MAPK4: variants seen among roughly 807,000 people sequenced by gnomAD.
The protein encoded by MAPK4 is Erk3-related.
In MAPK4, 22 loss-of-function variants were observed where a neutral mutation model predicts 47.7. That is an observed-to-expected ratio of 0.46 (90% CI 0.33 to 0.66). MAPK4 has a LOEUF of 0.66. Ranked by LOEUF, MAPK4 falls within the 30% of genes least tolerant of loss-of-function variation. The probability of loss-of-function intolerance (pLI) is 0.02; values close to 1 mark genes in which losing one functional copy is unlikely to be tolerated. For missense variants in MAPK4, 736 were observed against 831.7 expected (o/e 0.88, Z 1.42); for synonymous variants, 390 against 365.7 (o/e 1.07, Z -0.76).
At position 50,581,249 on chromosome 18, in the gene MAPK4, A is replaced by T. The variant is rs2042341468; in HGVS notation, c.-871+21006A>T. Among the ~76,000 whole-genome samples the T allele has an allele frequency of 3.9e-5, 6 of 152,152 alleles. No individual in the cohort carries two copies. In the South Asian group the frequency reaches 1.2e-3, roughly 32 times the overall value. On this transcript the variant is annotated intron_variant, in intron 1 of 5. Coordinates refer to ENST00000400384, the MANE Select transcript of MAPK4 (RefSeq NM_002747.4). ...CAGGCATTTGGAAGCTGCTTAGCTG[A>T]GTGGTTCTAGTTCAGGGACTCTCAT...
In MAPK4 at chr18:50,664,170, G is replaced by T. The variant is rs754028426; in HGVS notation, c.212G>T (p.Arg71Leu). 1.2e-6 allele frequency: 2 copies of T among 1,614,096 alleles called. No homozygotes were observed. The highest frequency in any genetic ancestry group is 1.7e-6 in the Non-Finnish European group (2 of 1,180,032). Residue 71 changes from arginine to leucine, a missense_variant, in exon 2 of 6, where the codon CGC (arginine) becomes CTC (leucine). Around this residue, in one of 3 missense-constraint regions of MAPK4, gnomAD observed 327 missense variants for 395.4 expected, o/e 0.83. Coordinates refer to ENST00000400384, the MANE Select transcript of MAPK4 (RefSeq NM_002747.4). The surrounding 1 kb of genome is among the most constrained non-coding windows in gnomAD (Gnocchi z 6.0). ...HALREIKIIRRLDHDNIVKVY... is the reference protein window; with the variant it reads ...HALREIKIIRLLDHDNIVKVY... ...CTCCGAGAGATCAAGATCATTCGGC[G>T]CCTGGACCACGACAACATCGTCAAA...
At chr18:50,662,872 T>G (rs1474222634) in intron 1 of MAPK4, among the ~76,000 whole-genome samples, 1 of 152,220 alleles carries the variant, frequency 6.6e-6, no homozygotes, top group Non-Finnish European at 1.5e-5. Flanking sequence ...CATCTGATGG[T>G]CTTATCAAAT....
Position 50,729,165 on chromosome 18 carries a change from G to A in MAPK4, c.1075G>A (p.Val359Met). ...NWDTCSSRYPVSLSSDLEWRP... is the reference protein window; with the variant it reads ...NWDTCSSRYPMSLSSDLEWRP... ...CTGTTTGTACCCTTGCAGGTACCCT[G>A]TGAGCCTGTCGTCGGACCTGGAGTG... Residue 359 changes from valine to methionine, a missense_variant, in exon 6 of 6, where the codon GTG becomes ATG. By Grantham distance (21) the Val-to-Met change is conservative. Coordinates refer to ENST00000400384, the MANE Select transcript of MAPK4 (RefSeq NM_002747.4). The A allele has an allele frequency of 1.3e-6, 2 of 1,577,272 alleles. No homozygotes were observed. Among genetic ancestry groups the A allele is most frequent in the African/African-American group, 1.3e-5 (1 of 74,456 alleles).
chr18:50,590,082 A>G (rs2042423900), intron 1 of MAPK4, among the ~76,000 whole-genome samples: 1 of 152,238 alleles, frequency 6.6e-6, no homozygotes, highest in African/African-American at 2.4e-5. Context: ...TGGCAAATCC[A>G]GATCCAGTTC....
At chr18:50,574,947 TAGG>T (rs1440150152) in intron 1 of MAPK4, among the ~76,000 whole-genome samples, 1 of 152,198 alleles carries the variant, frequency 6.6e-6, no homozygotes, top group African/African-American at 2.4e-5. Context: ...CTTCTTAAAA[TAGG>T]AGCTGTTTCT....
intron 2 of MAPK4, among the ~76,000 whole-genome samples, chr18:50,709,904 C>T (rs1226884121): frequency 6.6e-6 from 1 of 152,198 alleles, no homozygotes; most frequent in African/African-American, 2.4e-5. Flanking sequence ...TTTCATCTCT[C>T]TAACCATGTG....
intron 1 of MAPK4, among the ~76,000 whole-genome samples, chr18:50,626,644 T>C (rs1474942432): frequency 6.6e-6 from 1 of 152,136 alleles, no homozygotes; most frequent in Non-Finnish European, 1.5e-5. Context: ...TCATCACCCT[T>C]TCTTCCCGTC....
At chr18:50,672,314 C>CT (rs1192122167) in intron 2 of MAPK4, among the ~76,000 whole-genome samples, 1 of 152,216 alleles carries the variant, frequency 6.6e-6, no homozygotes, top group Non-Finnish European at 1.5e-5. Flanking sequence ...GGAAAGGTCA[C>CT]TTTCTTCTGA....
chr18:50,716,548 G>A lies in MAPK4; in HGVS notation c.691+1325G>A, dbSNP rs572832162. 7.2e-5 allele frequency among the ~76,000 whole-genome samples: 11 copies of A among 152,270 alleles called. No homozygotes were observed. In the East Asian group the frequency reaches 9.7e-4, roughly 13 times the overall value. On this transcript the variant is annotated intron_variant, in intron 3 of 5. Coordinates refer to ENST00000400384, the MANE Select transcript of MAPK4 (RefSeq NM_002747.4). ...AAGCCCAGAAATGTTCCAAACCACC[G>A]TTGGTAGAGGACCATGGTGAGGCCA...
chr18:50,717,733 C>T (rs961523209), intron 3 of MAPK4, among the ~76,000 whole-genome samples: 3 of 152,264 alleles, frequency 2.0e-5, no homozygotes, highest in Non-Finnish European at 4.4e-5. Context: ...TGTGGCCCCA[C>T]GGGGAGCCGA....
chr18:50,729,104 C>G, intron 5 of MAPK4, 54 bp from the exon 6 acceptor site: 1 of 1,464,044 alleles, frequency 6.8e-7, no homozygotes, highest in South Asian at 1.3e-5. Context: ...TGGCTCCCTC[C>G]CGGAAGCTAC....
At chr18:50,666,980 G>A (rs1027840783) in intron 2 of MAPK4, among the ~76,000 whole-genome samples, 1 of 152,194 alleles carries the variant, frequency 6.6e-6, no homozygotes, top group Non-Finnish European at 1.5e-5. Flanking sequence ...GCTTTCTCAA[G>A]CTTACACAGC....
chr18:50,616,858 G>A (rs965652662), intron 1 of MAPK4, among the ~76,000 whole-genome samples: 12 of 152,040 alleles, frequency 7.9e-5, no homozygotes, highest in Non-Finnish European at 1.8e-4. Flanking sequence ...TGCCTTTCCC[G>A]GTTCCCTGAC....
At chr18:50,713,431 T>C (rs1215988913) in intron 2 of MAPK4, among the ~76,000 whole-genome samples, 4 of 152,308 alleles carry the variant, frequency 2.6e-5, no homozygotes, top group African/African-American at 9.6e-5. Flanking sequence ...AGAGGATCAG[T>C]GGTCCCTGCA....
At chr18:50,712,151 G>A (rs891130682) in intron 2 of MAPK4, among the ~76,000 whole-genome samples, 2 of 152,200 alleles carry the variant, frequency 1.3e-5, no homozygotes, top group African/African-American at 4.8e-5. Context: ...TAAGTGTCGG[G>A]CACAGTGGCT....
At chr18:50,687,467 TTA>T (rs537234792) in intron 2 of MAPK4, among the ~76,000 whole-genome samples, 5 of 152,348 alleles carry the variant, frequency 3.3e-5, no homozygotes, top group African/African-American at 1.2e-4. Context: ...TTGAAAACAA[TTA>T]TGTTATCCTA....
At chr18:50,690,420 T>A (rs943998754) in intron 2 of MAPK4, among the ~76,000 whole-genome samples, 3 of 152,242 alleles carry the variant, frequency 2.0e-5, no homozygotes, top group African/African-American at 7.2e-5. Flanking sequence ...TACCATGAGT[T>A]AGCACTGGCT....
At chr18:50,704,151 C>T (rs1909928495) in intron 2 of MAPK4, among the ~76,000 whole-genome samples, 1 of 152,144 alleles carries the variant, frequency 6.6e-6, no homozygotes, top group South Asian at 2.1e-4. Context: ...ATGAGTCTAC[C>T]TGGAGACTCC....
intron 1 of MAPK4, among the ~76,000 whole-genome samples, chr18:50,595,933 G>A (rs565391390): frequency 1.2e-4 from 18 of 152,054 alleles, no homozygotes; most frequent in Non-Finnish European, 2.5e-4. Context: ...GCCAAGCAGG[G>A]CTCCTTTATG....
Sources: allele counts gnomAD v4.1 joint callset (sites outside exome capture counted in the v4.1 genomes callset), GRCh38; gene constraint gnomAD v4.1.1; regional missense constraint gnomAD v4.1.1; non-coding constraint Gnocchi (gnomAD v3.1); transcripts MANE v1.5; gene names NCBI Gene and HGNC (gene_info 2026-07-23, HGNC 2026-07-21).